Variants in SOX6 observed in about 807,000 individuals in gnomAD.
The protein encoded by SOX6 is transcription factor SOX-6.
SOX6 carries 11 observed loss-of-function variants against 97.8 expected under a neutral mutation model. The observed-to-expected ratio is 0.11, with a 90% CI of 0.07 to 0.19. The LOEUF (loss-of-function observed/expected upper bound fraction) is 0.19. SOX6 is among the 10% of genes least tolerant of loss of function. SOX6 has a pLI of 1.00. For missense variants in SOX6, 810 were observed against 1,039.5 expected (o/e 0.78, Z 3.04); for synonymous variants, 360 against 371.4 (o/e 0.97, Z 0.35).
At chr11:16,621,652 T>C (rs573183348) in intron 3 of SOX6, among the ~76,000 whole-genome samples, 3 of 152,328 alleles carry the variant, frequency 2.0e-5, no homozygotes, top group Admixed American at 2.0e-4. Flanking sequence ...AAATCAACTA[T>C]TAAAATTATT....
intron 2 of SOX6, among the ~76,000 whole-genome samples, chr11:16,333,578 C>A: frequency 6.6e-6 from 1 of 151,548 alleles, no homozygotes; most frequent in African/African-American, 2.4e-5. Context: ...TAACCCTGAC[C>A]AACTTTAATA....
In SOX6 at chr11:15,972,654, G is replaced by A; in HGVS notation, c.*155C>T. On this transcript the variant is annotated 3_prime_UTR_variant, in exon 16 of 16. Transcript: ENST00000683767. ...AAAAACTCAAGTTCATGAAAAATCA[G>A]GGAAAACTTAATCTGTCTCACACTT... 2 of 777,180 alleles carry A rather than the reference G, an allele frequency of 2.6e-6. No individual in the cohort carries two copies. Among genetic ancestry groups the A allele is most frequent in the Non-Finnish European group, 2.1e-6 (1 of 487,156 alleles). 48.1% of individuals were successfully genotyped at this position (777,180 alleles called of 1,614,324 possible). A position where few individuals can be genotyped will look rare whatever the true frequency, so the allele number is the denominator to read the frequency against.
rs1856191441 is a variant in SOX6 at position 16,328,869 on chromosome 11, TG to T, written c.238-10217del. On this transcript the variant is annotated intron_variant, in intron 2 of 15. Coordinates refer to ENST00000683767, the MANE Select transcript of SOX6 (RefSeq NM_001367873.1). Reference sequence around the variant, plus strand: ...AGGAAAAAAGTATGTTTTTTTCTAATGTGACATACTGTAAAGAAAAGGATTG... The same window carrying T: ...AGGAAAAAAGTATGTTTTTTTCTAATTGACATACTGTAAAGAAAAGGATTG... Among the ~76,000 whole-genome samples, 15 of 152,288 alleles carry T rather than the reference TG, an allele frequency of 9.8e-5. No homozygotes were observed. In the South Asian group the frequency reaches 3.1e-3, roughly 32 times the overall value.
chr11:16,236,234 C>T (rs1375417988), intron 3 of SOX6, among the ~76,000 whole-genome samples: 3 of 151,914 alleles, frequency 2.0e-5, no homozygotes, highest in East Asian at 1.9e-4. Context: ...TGCATATGTT[C>T]GGGTTGCATT....
chr11:16,600,685 C>T (rs1468318248), intron 4 of SOX6, among the ~76,000 whole-genome samples: 1 of 152,128 alleles, frequency 6.6e-6, no homozygotes, highest in Non-Finnish European at 1.5e-5. Context: ...GAACTATTTC[C>T]AGTTTGTTTA....
At chr11:16,094,743 TTC>T (rs1309485716) in intron 9 of SOX6, among the ~76,000 whole-genome samples, 1 of 151,884 alleles carries the variant, frequency 6.6e-6, no homozygotes, top group African/African-American at 2.4e-5. Flanking sequence ...TAGAAATTTC[TTC>T]TGTCTGTATA....
chr11:16,157,636 C>T (rs1459736339), intron 6 of SOX6, among the ~76,000 whole-genome samples: 1 of 151,956 alleles, frequency 6.6e-6, no homozygotes, highest in Non-Finnish European at 1.5e-5. Context: ...TGCTTATATC[C>T]TTTAAACTAT....
At chr11:16,418,284 A>G (rs751025760) in intron 1 of SOX6, among the ~76,000 whole-genome samples, 15 of 152,322 alleles carry the variant, frequency 9.8e-5, no homozygotes, top group Non-Finnish European at 1.5e-4. Context: ...TGATATGGTA[A>G]TCATCATTAG....
At chr11:16,422,051 C>T (rs549160109) in intron 1 of SOX6, among the ~76,000 whole-genome samples, 6 of 152,162 alleles carry the variant, frequency 3.9e-5, no homozygotes, top group Non-Finnish European at 7.4e-5. Flanking sequence ...CCTAGGCGTG[C>T]TTCATCCATA....
At position 16,108,508 on chromosome 11, in the gene SOX6, C is replaced by G. The variant is rs547314519; in HGVS notation, c.898+3295G>C. On this transcript the variant is annotated intron_variant, in intron 7 of 15. Transcript: ENST00000683767. ...TTTGTGCTCAAATGTATCTATCTTACTCTTGATTGGTGCACCTCTCTGTAT... is the reference window on the plus strand; with the variant it reads ...TTTGTGCTCAAATGTATCTATCTTAGTCTTGATTGGTGCACCTCTCTGTAT... Among the ~76,000 whole-genome samples the G allele has an allele frequency of 2.6e-5, 4 of 152,264 alleles. No homozygotes were observed. The East Asian group carries it at 7.7e-4, about 29-fold the overall frequency.
intron 1 of SOX6, among the ~76,000 whole-genome samples, chr11:16,435,074 G>A (rs1859348688): frequency 6.6e-6 from 1 of 152,076 alleles, no homozygotes; most frequent in African/African-American, 2.4e-5. Flanking sequence ...CATCTGCACT[G>A]CCAATGAAAT....
At chr11:16,619,374 T>C (rs957765440) in intron 3 of SOX6, among the ~76,000 whole-genome samples, 5 of 152,008 alleles carry the variant, frequency 3.3e-5, no homozygotes, top group African/African-American at 1.2e-4. Context: ...TATTTTTCTT[T>C]ACTCAAAATG....
intron 4 of SOX6, among the ~76,000 whole-genome samples, chr11:16,510,663 A>T (rs564433831): frequency 6.6e-6 from 1 of 152,046 alleles, no homozygotes; most frequent in Non-Finnish European, 1.5e-5. Context: ...TTTATGTTAA[A>T]TTATGATTAT....
chr11:16,720,738 AATACTG>A (rs1163638519), intron 2 of SOX6, among the ~76,000 whole-genome samples: 9 of 152,158 alleles, frequency 5.9e-5, no homozygotes, highest in African/African-American at 2.2e-4. Flanking sequence ...AAAAAAAAGA[AATACTG>A]ATATATGAAA....
In SOX6 at chr11:16,271,077, T is replaced by C. The variant is rs565652146; in HGVS notation, c.446-36406A>G. On this transcript the variant is annotated intron_variant, in intron 3 of 15. Coordinates refer to ENST00000683767, the MANE Select transcript of SOX6 (RefSeq NM_001367873.1). ...AGAAAGAATACATCCATTTATATTT[T>C]GAGTATTTTATCAAAAATGTGTTAC... 4.0e-5 allele frequency among the ~76,000 whole-genome samples: 6 copies of C among 151,498 alleles called. No individual in the cohort carries two copies. The South Asian group carries it at 1.2e-3, about 31-fold the overall frequency.
intron 12 of SOX6, among the ~76,000 whole-genome samples, chr11:16,017,909 C>T (rs931486251): frequency 1.3e-5 from 2 of 152,044 alleles, no homozygotes; most frequent in African/African-American, 2.4e-5. Flanking sequence ...CCCACCCCTT[C>T]CAGGAAAACT....
At chr11:16,570,278 G>A (rs1329705860) in intron 4 of SOX6, among the ~76,000 whole-genome samples, 2 of 151,970 alleles carry the variant, frequency 1.3e-5, no homozygotes, top group Admixed American at 6.6e-5. Flanking sequence ...CTATCCCCAT[G>A]AGACCTGACA....
At chr11:16,154,973 T>C (rs559014960) in intron 6 of SOX6, among the ~76,000 whole-genome samples, 1 of 152,222 alleles carries the variant, frequency 6.6e-6, no homozygotes, top group African/African-American at 2.4e-5. Flanking sequence ...TTTAAGACTA[T>C]CGCTCCTTCT....
At chr11:16,474,627 C>T (rs1860202514) in intron 1 of SOX6, among the ~76,000 whole-genome samples, 1 of 152,116 alleles carries the variant, frequency 6.6e-6, no homozygotes, top group Non-Finnish European at 1.5e-5. Context: ...TTAAAATACT[C>T]AGTAAACCAT....
Sources: gnomAD v4.1 joint callset for allele counts (sites outside exome capture counted in the v4.1 genomes callset) on GRCh38, gnomAD v4.1.1 for gene constraint, MANE v1.5 for transcripts, NCBI Gene and HGNC (gene_info 2026-07-23, HGNC 2026-07-21) for gene names.